MEOX2: variants seen among roughly 807,000 people sequenced by gnomAD.
MEOX2 encodes homeobox protein MOX-2.
A neutral mutation model predicts 27.0 loss-of-function variants in MEOX2; 11 were observed. That is an observed-to-expected ratio of 0.41 (90% CI 0.26 to 0.68). The LOEUF is 0.68. Among genes scored for constraint, MEOX2 ranks in the 30% least tolerant of loss-of-function variants. The pLI, the probability that MEOX2 is intolerant of heterozygous loss-of-function variation, is 0.33. For synonymous variants in MEOX2, 189 were observed against 155.4 expected (o/e 1.22, Z -1.61); for missense variants, 436 against 385.4 (o/e 1.13, Z -1.10).
chr7:15,634,266 A>G (rs1223132703), intron 1 of MEOX2, among the ~76,000 whole-genome samples: 1 of 151,922 alleles, frequency 6.6e-6, no homozygotes, highest in African/African-American at 2.4e-5. Context: ...ACATAAACAT[A>G]TTCAAAATAA....
intron 1 of MEOX2, among the ~76,000 whole-genome samples, chr7:15,684,238 G>T (rs377546597): frequency 4.6e-4 from 70 of 152,114 alleles, no homozygotes; most frequent in Non-Finnish European, 8.1e-4. Context: ...GCAAGAGTAC[G>T]CTCATCAACC....
chr7:15,625,157 C>A (rs764986890), intron 2 of MEOX2, among the ~76,000 whole-genome samples: 5 of 152,120 alleles, frequency 3.3e-5, no homozygotes, highest in African/African-American at 1.2e-4. Flanking sequence ...ATATAAAACA[C>A]GGTTGCATTT....
chr7:15,613,476 G>C (rs1310715282), intron 2 of MEOX2, among the ~76,000 whole-genome samples: 2 of 151,464 alleles, frequency 1.3e-5, no homozygotes, highest in Non-Finnish European at 2.9e-5. Flanking sequence ...TCTTGTTTAG[G>C]AGGAAATCTG....
At chr7:15,658,485 T>G (rs1350858032) in intron 1 of MEOX2, among the ~76,000 whole-genome samples, 1 of 152,198 alleles carries the variant, frequency 6.6e-6, no homozygotes. Flanking sequence ...GTGTATATAT[T>G]GGTGTGTTGG....
At chr7:15,630,153 G>A (rs1038610825) in intron 1 of MEOX2, among the ~76,000 whole-genome samples, 3 of 151,980 alleles carry the variant, frequency 2.0e-5, no homozygotes, top group African/African-American at 4.8e-5. Flanking sequence ...CTCTCTCAGC[G>A]CTTCGAGGAA....
At chr7:15,631,264 T>C (rs1781397736) in intron 1 of MEOX2, among the ~76,000 whole-genome samples, 1 of 151,848 alleles carries the variant, frequency 6.6e-6, no homozygotes, top group South Asian at 2.1e-4. Flanking sequence ...TGCTGAGCAG[T>C]GATTATCAAT....
chr7:15,648,761 G>A (rs972527276), intron 1 of MEOX2, among the ~76,000 whole-genome samples: 16 of 151,958 alleles, frequency 1.1e-4, no homozygotes, highest in Non-Finnish European at 1.9e-4. Context: ...ATAACCTAGC[G>A]CTTCAGAATC....
At chr7:15,642,282 A>G (rs1474447206) in intron 1 of MEOX2, among the ~76,000 whole-genome samples, 2 of 152,080 alleles carry the variant, frequency 1.3e-5, no homozygotes, top group Non-Finnish European at 2.9e-5. Context: ...ACATAATCCC[A>G]TATTTCTGGA....
chr7:15,665,822 A>G (rs767566715), intron 1 of MEOX2, among the ~76,000 whole-genome samples: 2 of 152,210 alleles, frequency 1.3e-5, no homozygotes, highest in Non-Finnish European at 2.9e-5. Flanking sequence ...AATAATCCTC[A>G]AAGGTAAAAT....
At chr7:15,650,428 TC>T (rs1319463668) in intron 1 of MEOX2, among the ~76,000 whole-genome samples, 1 of 152,108 alleles carries the variant, frequency 6.6e-6, no homozygotes, top group Non-Finnish European at 1.5e-5. Context: ...TTACCTACCT[TC>T]TAGGTACCTT....
In MEOX2 at chr7:15,637,480, G is replaced by C. The variant is rs575504532; in HGVS notation, c.518-10562C>G. ...ACACGTGTGCTACCACCCACAAAAA[G>C]AGGATGTGCTTACTCCTAAAATGTA... is the stretch of plus-strand genomic sequence containing the variant. On this transcript the variant is annotated intron_variant, in intron 1 of 2. Transcript: ENST00000262041. Among the ~76,000 whole-genome samples, 30 of 151,792 alleles carry C rather than the reference G, an allele frequency of 2.0e-4. No homozygotes were observed. In the South Asian group the frequency reaches 6.2e-3, roughly 32 times the overall value.
At chr7:15,640,280 G>C (rs1781540026) in intron 1 of MEOX2, among the ~76,000 whole-genome samples, 1 of 151,356 alleles carries the variant, frequency 6.6e-6, no homozygotes, top group Non-Finnish European at 1.5e-5. Flanking sequence ...GTGTGTGTGT[G>C]TTTCTGGCTA....
chr7:15,656,242 T>A (rs1488593210), intron 1 of MEOX2, among the ~76,000 whole-genome samples: 1 of 151,854 alleles, frequency 6.6e-6, no homozygotes, highest in East Asian at 1.9e-4. Flanking sequence ...AGATTTATGA[T>A]TGTATTTAGA....
chr7:15,655,676 T>C (rs1488722145), intron 1 of MEOX2, among the ~76,000 whole-genome samples: 1 of 151,844 alleles, frequency 6.6e-6, no homozygotes, highest in Non-Finnish European at 1.5e-5. Flanking sequence ...AATTTTCTTG[T>C]TATTAATTTC....
intron 1 of MEOX2, chr7:15,675,917 C>A (rs996671220): frequency 1.4e-4 from 21 of 152,112 alleles, no homozygotes; most frequent in Non-Finnish European, 2.6e-4. Flanking sequence ...TTAAACTTCT[C>A]TTGTTTTAGG....
At chr7:15,622,176 G>A (rs1180834194) in intron 2 of MEOX2, among the ~76,000 whole-genome samples, 1 of 152,042 alleles carries the variant, frequency 6.6e-6, no homozygotes, top group Non-Finnish European at 1.5e-5. Flanking sequence ...TGTTTTCCCT[G>A]TTTGCATGAT....
At chr7:15,663,843 C>T (rs1781955624) in intron 1 of MEOX2, among the ~76,000 whole-genome samples, 1 of 152,126 alleles carries the variant, frequency 6.6e-6, no homozygotes, top group African/African-American at 2.4e-5. Flanking sequence ...AATCACTAAG[C>T]TGCTGGAAGA....
intron 1 of MEOX2, chr7:15,679,634 G>GT (rs1782261068): frequency 6.6e-6 from 1 of 152,036 alleles, no homozygotes; most frequent in South Asian, 2.1e-4. Flanking sequence ...AGTACACATT[G>GT]TAAGGACATA....
intron 1 of MEOX2, among the ~76,000 whole-genome samples, chr7:15,683,589 T>G (rs2115399497): frequency 6.6e-6 from 1 of 152,256 alleles, no homozygotes; most frequent in African/African-American, 2.4e-5. Flanking sequence ...AGATAATTTA[T>G]GGAACACCTA....
Sources: allele counts gnomAD v4.1 joint callset (sites outside exome capture counted in the v4.1 genomes callset), GRCh38; gene constraint gnomAD v4.1.1; transcripts MANE v1.5; gene names NCBI Gene and HGNC (gene_info 2026-07-23, HGNC 2026-07-21).